Variants in ATXN7 observed in about 807,000 individuals in gnomAD.
ATXN7 encodes the protein ataxin 7.
ATXN7 carries 12 observed loss-of-function variants against 70.5 expected under a neutral mutation model. That is an observed-to-expected ratio of 0.17 (90% CI 0.11 to 0.28). The LOEUF (loss-of-function observed/expected upper bound fraction) is 0.28, where lower values mean the gene tolerates loss of function less well. Among genes scored for constraint, ATXN7 ranks in the 10% least tolerant of loss-of-function variants. The pLI is 1.00. For missense variants in ATXN7, 1,256 were observed against 1,131.7 expected, an observed-to-expected ratio of 1.11 and a Z score of -1.58; for synonymous variants, 498 against 448.7, an observed-to-expected ratio of 1.11 and a Z score of -1.39.
At position 63,995,959 on chromosome 3, in the gene ATXN7, C is replaced by G. The variant is rs3733125; in HGVS notation, c.2137C>G (p.Leu713Val). 4 of 1,613,966 alleles carry G rather than the reference C, an allele frequency of 2.5e-6. No individual in the cohort carries two copies. Among genetic ancestry groups the G allele is most frequent in the Admixed American group, 3.3e-5 (2 of 60,006 alleles). Reference protein sequence around the residue: ...SGKKRKNSSPLLVHSSSSSSS... With the variant: ...SGKKRKNSSPVLVHSSSSSSS... ...AAAGAAACGCAAAAACAGTTCCCCACTGTTGGTTCACTCTTCCTCCTCCTC... is the reference window on the plus strand; with the variant it reads ...AAAGAAACGCAAAAACAGTTCCCCAGTGTTGGTTCACTCTTCCTCCTCCTC... The change falls in exon 12 of 13, where the codon CTG becomes GTG. Residue 713 changes from leucine (L) to valine (V), a missense_variant. Coordinates refer to ENST00000674280, the MANE Select transcript of ATXN7 (RefSeq NM_001377405.1).
chr3:63,920,714 T>G (rs1313669927), intron 4 of ATXN7, among the ~76,000 whole-genome samples: 3 of 152,090 alleles, frequency 2.0e-5, no homozygotes, highest in Non-Finnish European at 4.4e-5. Flanking sequence ...ACAGTTTGCA[T>G]TAGAAGTAAT....
At chr3:63,968,245 G>A in intron 5 of ATXN7, 1 of 403,408 alleles carries the variant, frequency 2.5e-6, no homozygotes, top group Non-Finnish European at 4.5e-6. Flanking sequence ...GCTGCTGCAA[G>A]CTGTCCACAG....
chr3:63,935,647 C>A (rs1448598327), intron 4 of ATXN7, among the ~76,000 whole-genome samples: 1 of 152,100 alleles, frequency 6.6e-6, no homozygotes, highest in African/African-American at 2.4e-5. Context: ...CTGCACTTTC[C>A]TGTGTTGTGT....
chr3:63,890,533 G>A (rs1575852528), intron 1 of ATXN7, among the ~76,000 whole-genome samples: 1 of 152,096 alleles, frequency 6.6e-6, no homozygotes, highest in East Asian at 1.9e-4. Context: ...ATTCAGAAGA[G>A]GAAATGATTA....
rs761382914 is a variant in ATXN7, at chr3:63,983,004, C to A, written c.1078C>A (p.Arg360=). The change falls in exon 8 of 13, where the codon CGG becomes AGG. Residue 360 remains arginine (R), a synonymous_variant. Transcript: ENST00000674280. ...IDLDTKKPCT[R]SLTCKTHSLT... ...TCTCGACACCAAGAAGCCCTGCACC[C>A]GGTCTTTGACATGCAAGGTAGGTGG... is the stretch of plus-strand genomic sequence containing the variant. The A allele has an allele frequency of 6.2e-7, 1 of 1,613,754 alleles. No individual in the cohort carries two copies.
At chr3:63,999,364 A>G (rs2075808980) in intron 12 of ATXN7, 86 bp from the exon 13 acceptor site, 1 of 1,126,178 alleles carries the variant, frequency 8.9e-7, no homozygotes, top group East Asian at 2.4e-5. Context: ...CAGCCTTTGG[A>G]ATATTCTTGT....
In ATXN7 at chr3:63,995,564, C is replaced by A. The variant is rs775369024; in HGVS notation, c.1742C>A (p.Thr581Lys). 6.2e-7 allele frequency: 1 copy of A among 1,614,172 alleles called. No homozygotes were observed. Among genetic ancestry groups the A allele is most frequent in the Non-Finnish European group, 8.5e-7 (1 of 1,180,026 alleles). ...ATCTCCACACGTATTCCTCACCGGACAAACTCTGTGCCGACATCACAATGT... is the reference window on the plus strand; with the variant it reads ...ATCTCCACACGTATTCCTCACCGGAAAAACTCTGTGCCGACATCACAATGT... ...SPISTRIPHRTNSVPTSQCGV... is the reference protein window; with the variant it reads ...SPISTRIPHRKNSVPTSQCGV... The change falls in exon 12 of 13, where the codon ACA (threonine) becomes AAA (lysine). Residue 581 changes from threonine (T) to lysine (K), a missense_variant. Transcript: ENST00000674280.
intron 6 of ATXN7, among the ~76,000 whole-genome samples, chr3:63,981,664 A>G (rs1206121254): frequency 6.6e-6 from 1 of 152,210 alleles, no homozygotes; most frequent in African/African-American, 2.4e-5. Flanking sequence ...AGTCTCCCTT[A>G]TTGACAGAAG....
At chr3:63,982,094 C>A in intron 6 of ATXN7, 92 bp from the exon 7 acceptor site, 1 of 1,563,560 alleles carries the variant, frequency 6.4e-7, no homozygotes, top group Non-Finnish European at 8.7e-7. Context: ...CTTGGGTAGG[C>A]CCAGGCTCTA....
At chr3:63,956,870 T>C (rs1349101483) in intron 5 of ATXN7, among the ~76,000 whole-genome samples, 4 of 152,198 alleles carry the variant, frequency 2.6e-5, no homozygotes, top group African/African-American at 7.2e-5. Flanking sequence ...CAGAGAACTT[T>C]TAAGTAGGAA....
At chr3:63,866,944 G>C (rs1385505253) in intron 1 of ATXN7, 1 of 149,868 alleles carries the variant, frequency 6.7e-6, no homozygotes, top group Non-Finnish European at 1.5e-5. Context: ...ATTTATTTGA[G>C]TCATAAGATT....
chr3:63,936,479 A>T (rs115255700), intron 4 of ATXN7, among the ~76,000 whole-genome samples: 1,666 of 152,340 alleles, frequency 0.011, 26 homozygotes, highest in African/African-American at 0.036. Flanking sequence ...GACGGAGGAA[A>T]ATCATTAGAT....
chr3:63,934,743 A>G (rs574888711), intron 4 of ATXN7, among the ~76,000 whole-genome samples: 11 of 152,292 alleles, frequency 7.2e-5, no homozygotes, highest in African/African-American at 2.4e-4. Flanking sequence ...AGTTTCCTCA[A>G]AGTGGGCATG....
chr3:63,962,080 A>G (rs929048383), intron 5 of ATXN7, among the ~76,000 whole-genome samples: 1 of 152,136 alleles, frequency 6.6e-6, no homozygotes, highest in Non-Finnish European at 1.5e-5. Context: ...TGATGTATGT[A>G]CTAGTCCAAG....
intron 5 of ATXN7, among the ~76,000 whole-genome samples, chr3:63,962,519 C>G (rs1165484479): frequency 1.3e-5 from 2 of 152,038 alleles, no homozygotes; most frequent in Non-Finnish European, 2.9e-5. Context: ...ATTCTCGTGC[C>G]TCAGCCTCCC....
At chr3:63,982,669 G>A (rs1037396145) in intron 7 of ATXN7, among the ~76,000 whole-genome samples, 1 of 144,874 alleles carries the variant, frequency 6.9e-6, no homozygotes, top group Admixed American at 6.9e-5. Flanking sequence ...TCATGTAAAA[G>A]TAGCTTTCTA....
In ATXN7 at chr3:64,002,241, A is replaced by G. The variant is rs1470320041; in HGVS notation, c.*2774A>G. The G allele has an allele frequency of 6.6e-6, 1 of 152,614 alleles. No individual in the cohort carries two copies. The highest frequency in any genetic ancestry group is 1.5e-5 in the Non-Finnish European group (1 of 68,042). 9.5% of individuals were successfully genotyped at this position (152,614 alleles called of 1,614,324 possible). Reference sequence around the variant, plus strand: ...TCTAGTATTTATTTATTAATTAATAAAAGTAAATACCTTTTTATAATTTGA... The same window carrying G: ...TCTAGTATTTATTTATTAATTAATAGAAGTAAATACCTTTTTATAATTTGA... On this transcript the variant is annotated 3_prime_UTR_variant, in exon 13 of 13. Coordinates refer to ENST00000674280, the MANE Select transcript of ATXN7 (RefSeq NM_001377405.1).
chr3:63,906,311 C>T (rs1049722538), intron 2 of ATXN7, among the ~76,000 whole-genome samples: 1 of 152,166 alleles, frequency 6.6e-6, no homozygotes, highest in Admixed American at 6.5e-5. Flanking sequence ...AGAGCTGGAC[C>T]TTGGCTGAGG....
chr3:63,936,130 A>G (rs1273671591), intron 4 of ATXN7, among the ~76,000 whole-genome samples: 1 of 152,236 alleles, frequency 6.6e-6, no homozygotes, highest in Non-Finnish European at 1.5e-5. Context: ...TACCTTAAAC[A>G]TAGTAAACAC....
Sources: gnomAD v4.1 joint callset for allele counts (sites outside exome capture counted in the v4.1 genomes callset) on GRCh38, gnomAD v4.1.1 for gene constraint, MANE v1.5 for transcripts, NCBI Gene and HGNC (gene_info 2026-07-23, HGNC 2026-07-21) for gene names.